Variants in GRM8 observed in about 807,000 individuals in gnomAD.
The protein encoded by GRM8 is metabotropic glutamate receptor 8.
In GRM8, 47 loss-of-function variants were observed where a neutral mutation model predicts 87.2. That is an observed-to-expected ratio of 0.54 (90% CI 0.43 to 0.69). GRM8 has a LOEUF of 0.69. Ranked by LOEUF, GRM8 falls within the 30% of genes least tolerant of loss-of-function variation. The pLI is 0.00. For synonymous variants in GRM8, 396 were observed against 404.5 expected, an observed-to-expected ratio of 0.98 and a Z score of 0.25; for missense variants, 1,019 against 1,139.2, an observed-to-expected ratio of 0.89 and a Z score of 1.52.
chr7:126,455,319 T>C (rs1211611257), intron 9 of GRM8, among the ~76,000 whole-genome samples: 1 of 151,510 alleles, frequency 6.6e-6, no homozygotes, highest in Non-Finnish European at 1.5e-5. Context: ...GCCCATATCC[T>C]TACCACACAC....
intron 6 of GRM8, among the ~76,000 whole-genome samples, chr7:126,882,447 A>G (rs192539447): frequency 7.6e-4 from 115 of 152,228 alleles, no homozygotes; most frequent in African/African-American, 2.3e-3. Flanking sequence ...GCTACTTCTT[A>G]TTACAATATA....
chr7:126,849,559 T>C (rs898721563), intron 6 of GRM8, among the ~76,000 whole-genome samples: 1 of 152,214 alleles, frequency 6.6e-6, no homozygotes, highest in African/African-American at 2.4e-5. Flanking sequence ...TTCATGCTGC[T>C]CAGCAAACAT....
chr7:126,862,109 ATG>A (rs1798188378), intron 6 of GRM8, among the ~76,000 whole-genome samples: 1 of 151,960 alleles, frequency 6.6e-6, no homozygotes, highest in East Asian at 1.9e-4. Flanking sequence ...TTCAATATCT[ATG>A]TGTTTAAATT....
chr7:126,450,391 C>T (rs1293762424), intron 9 of GRM8, among the ~76,000 whole-genome samples: 1 of 151,710 alleles, frequency 6.6e-6, no homozygotes, highest in East Asian at 2.0e-4. Flanking sequence ...TCTGTTTTGC[C>T]CTCGATGGTT....
At chr7:126,842,590 TAAG>T (rs1461788282) in intron 6 of GRM8, among the ~76,000 whole-genome samples, 1 of 152,120 alleles carries the variant, frequency 6.6e-6, no homozygotes, top group East Asian at 1.9e-4. Context: ...GGATTTAAAA[TAAG>T]AAGATTACCC....
intron 6 of GRM8, among the ~76,000 whole-genome samples, chr7:126,816,164 A>G (rs916765303): frequency 9.2e-5 from 14 of 152,062 alleles, no homozygotes; most frequent in African/African-American, 3.4e-4. Flanking sequence ...AAATCCAAAT[A>G]TGCATCCCAA....
At chr7:126,616,753 C>A (rs185820118) in intron 7 of GRM8, among the ~76,000 whole-genome samples, 2 of 152,050 alleles carry the variant, frequency 1.3e-5, no homozygotes, top group South Asian at 4.1e-4. Flanking sequence ...AACACCACTG[C>A]GGAAATAAAC....
chr7:126,583,542 G>T (rs1030698343), intron 8 of GRM8, among the ~76,000 whole-genome samples: 1 of 152,036 alleles, frequency 6.6e-6, no homozygotes, highest in African/African-American at 2.4e-5. Flanking sequence ...ATTAAAAGAG[G>T]TCAAAATATA....
intron 2 of GRM8, among the ~76,000 whole-genome samples, chr7:127,168,075 C>A (rs1363176635): frequency 1.3e-5 from 2 of 152,014 alleles, no homozygotes; most frequent in Non-Finnish European, 2.9e-5. Flanking sequence ...AAAAGGCAAC[C>A]TACAGAATGG....
chr7:126,791,899 G>A (rs1821377232), intron 6 of GRM8, among the ~76,000 whole-genome samples: 1 of 152,152 alleles, frequency 6.6e-6, no homozygotes, highest in South Asian at 2.1e-4. Flanking sequence ...CACCAAACAG[G>A]CACACCTGAG....
chr7:127,027,921 G>A (rs1431725852), intron 3 of GRM8, among the ~76,000 whole-genome samples: 4 of 152,078 alleles, frequency 2.6e-5, no homozygotes, highest in Non-Finnish European at 5.9e-5. Flanking sequence ...GTTTTCAAAG[G>A]GAATGACTCC....
intron 8 of GRM8, among the ~76,000 whole-genome samples, chr7:126,585,222 T>C (rs533750248): frequency 5.3e-5 from 8 of 152,310 alleles, no homozygotes; most frequent in African/African-American, 1.9e-4. Context: ...GAAGAAATTT[T>C]GGTGAATAAC....
At chr7:126,466,814 T>C (rs1040151645) in intron 9 of GRM8, among the ~76,000 whole-genome samples, 2 of 151,906 alleles carry the variant, frequency 1.3e-5, no homozygotes, top group African/African-American at 4.8e-5. Flanking sequence ...TCAGTCTACC[T>C]ATTCAAATGC....
intron 3 of GRM8, among the ~76,000 whole-genome samples, chr7:127,103,370 G>A (rs1825510582): frequency 6.6e-6 from 1 of 152,158 alleles, no homozygotes; most frequent in Non-Finnish European, 1.5e-5. Flanking sequence ...CTTCAAGATA[G>A]TGAGTTCTCA....
intron 2 of GRM8, among the ~76,000 whole-genome samples, chr7:127,202,936 A>G (rs1795692383): frequency 1.3e-5 from 2 of 152,212 alleles, no homozygotes; most frequent in Non-Finnish European, 2.9e-5. Context: ...TCATCTTTTT[A>G]GCTTGATAAA....
At chr7:126,897,934 T>C (rs1315422964) in intron 6 of GRM8, among the ~76,000 whole-genome samples, 1 of 152,134 alleles carries the variant, frequency 6.6e-6, no homozygotes, top group African/African-American at 2.4e-5. Context: ...TTGAAGATGT[T>C]CTATCTCTGG....
At chr7:126,537,794 A>ACAAG (rs1329899713) in intron 8 of GRM8, among the ~76,000 whole-genome samples, 1 of 151,910 alleles carries the variant, frequency 6.6e-6, no homozygotes, top group African/African-American at 2.4e-5. Context: ...AAACAAACAA[A>ACAAG]CAAACAAAAA....
intron 3 of GRM8, among the ~76,000 whole-genome samples, chr7:126,994,022 C>T (rs1214699519): frequency 6.6e-6 from 1 of 152,176 alleles, no homozygotes; most frequent in Non-Finnish European, 1.5e-5. Context: ...TAGGGGAGTG[C>T]TTGTGCAACT....
intron 7 of GRM8, among the ~76,000 whole-genome samples, chr7:126,659,285 G>A (rs1804890448): frequency 6.6e-6 from 1 of 152,168 alleles, no homozygotes; most frequent in African/African-American, 2.4e-5. Flanking sequence ...ACAAGTGGCA[G>A]GGGGAACCTA....
Sources: gnomAD v4.1 joint callset for allele counts (sites outside exome capture counted in the v4.1 genomes callset) on GRCh38, gnomAD v4.1.1 for gene constraint, MANE v1.5 for transcripts, NCBI Gene and HGNC (gene_info 2026-07-23, HGNC 2026-07-21) for gene names.